GALNT13: variants seen among roughly 807,000 people sequenced by gnomAD.
GALNT13 encodes polypeptide N-acetylgalactosaminyltransferase 13.
GALNT13 carries 28 observed loss-of-function variants against 64.2 expected under a neutral mutation model. The ratio of observed to expected loss-of-function variants is 0.44; its 90% confidence interval spans 0.32 to 0.60. The LOEUF is 0.60. Ranked by LOEUF, GALNT13 falls within the 20% of genes least tolerant of loss-of-function variation. The probability of loss-of-function intolerance (pLI) is 0.05; values close to 1 mark genes in which losing one functional copy is unlikely to be tolerated. For synonymous variants in GALNT13, 214 were observed against 224.6 expected (o/e 0.95, Z 0.42); for missense variants, 577 against 669.8 (o/e 0.86, Z 1.53).
chr2:153,399,324 T>C, the GALNT13 span, among the ~76,000 whole-genome samples: 18 of 152,362 alleles, frequency 1.2e-4, 1 homozygote, highest in South Asian at 1.7e-3. Flanking sequence ...TTGGTTACTG[T>C]AGCCTTGTAG....
chr2:153,922,942 C>T (rs1183214537), intron 2 of GALNT13, among the ~76,000 whole-genome samples: 1 of 151,864 alleles, frequency 6.6e-6, no homozygotes, highest in Non-Finnish European at 1.5e-5. Flanking sequence ...CTCTGTCACC[C>T]AGGCTGGAGT....
the GALNT13 span, among the ~76,000 whole-genome samples, chr2:153,324,249 T>C: frequency 6.6e-6 from 1 of 152,218 alleles, no homozygotes; most frequent in East Asian, 1.9e-4. Context: ...TTATTATCTT[T>C]GTAGCAATTG....
chr2:153,165,289 C>T, the GALNT13 span, among the ~76,000 whole-genome samples: 9 of 152,152 alleles, frequency 5.9e-5, no homozygotes, highest in Admixed American at 5.9e-4. Flanking sequence ...ATTATACATC[C>T]CATCTGACAG....
the GALNT13 span, among the ~76,000 whole-genome samples, chr2:153,684,708 A>G: frequency 6.6e-6 from 1 of 151,306 alleles, no homozygotes. Context: ...ATATAGCTAA[A>G]CTTGTGTCTT....
chr2:153,998,609 T>C (rs1323547930), intron 3 of GALNT13, among the ~76,000 whole-genome samples: 1 of 152,136 alleles, frequency 6.6e-6, no homozygotes, highest in Non-Finnish European at 1.5e-5. Flanking sequence ...GTTCACTCTG[T>C]TGATAGTTTC....
At chr2:154,455,270 A>C (rs73965461), downstream of GALNT13, among the ~76,000 whole-genome samples, 329 of 152,304 alleles carry the variant, frequency 2.2e-3, 2 homozygotes, top group African/African-American at 7.4e-3. Flanking sequence ...TGATGATCGT[A>C]TCTGCTCACA....
the GALNT13 span, among the ~76,000 whole-genome samples, chr2:153,304,946 A>G: frequency 2.6e-5 from 4 of 152,194 alleles, no homozygotes; most frequent in African/African-American, 7.2e-5. Context: ...CTGAGGGTTA[A>G]GGGGTGGGTA....
At chr2:153,728,112 T>C in the GALNT13 span, among the ~76,000 whole-genome samples, 1 of 152,224 alleles carries the variant, frequency 6.6e-6, no homozygotes, top group South Asian at 2.1e-4. Flanking sequence ...CCATGGTGTG[T>C]ATGTGCCACA....
chr2:153,276,839 A>G, the GALNT13 span, among the ~76,000 whole-genome samples: 3 of 152,168 alleles, frequency 2.0e-5, no homozygotes, highest in Non-Finnish European at 2.9e-5. Context: ...TTCTCTAACT[A>G]TATAGCTTGG....
At chr2:154,142,795 A>C (rs916868452) in intron 4 of GALNT13, among the ~76,000 whole-genome samples, 1 of 151,838 alleles carries the variant, frequency 6.6e-6, no homozygotes, top group African/African-American at 2.4e-5. Flanking sequence ...ATTATGTAAA[A>C]ATAATTTTAC....
chr2:153,930,619 C>G (rs2105355221), intron 2 of GALNT13, among the ~76,000 whole-genome samples: 1 of 152,180 alleles, frequency 6.6e-6, no homozygotes, highest in Admixed American at 6.5e-5. Context: ...TGTTGAAGAT[C>G]AGATGGCTGT....
At chr2:154,127,712 G>A (rs546743712) in intron 3 of GALNT13, among the ~76,000 whole-genome samples, 49 of 127,390 alleles carry the variant, frequency 3.8e-4, no homozygotes, top group South Asian at 1.6e-3. Context: ...ACACACACGT[G>A]TGTGTGTGTG....
rs199582451 is a variant in GALNT13 at position 154,215,515 on chromosome 2, AT to A, written c.312-26513del. ...CATTTGTCCACTCATTCTTCTAAGT[AT>A]TCTTATATTTAATTTGCTCTGCCTG... On this transcript the variant is annotated intron_variant, in intron 4 of 12. Coordinates refer to ENST00000392825, the MANE Select transcript of GALNT13 (RefSeq NM_052917.4). Among the ~76,000 whole-genome samples the A allele has an allele frequency of 7.7e-3, 1,169 of 152,206 alleles. 21 individuals carry two copies. Among genetic ancestry groups the A allele is most frequent in the African/African-American group, 0.026 (1,067 of 41,546 alleles).
At chr2:153,268,520 C>T in the GALNT13 span, among the ~76,000 whole-genome samples, 8 of 152,198 alleles carry the variant, frequency 5.3e-5, no homozygotes, top group Non-Finnish European at 7.3e-5. Context: ...GCACATGATG[C>T]AAGCTGTCAG....
At chr2:154,412,802 T>G (rs1699850733) in intron 11 of GALNT13, among the ~76,000 whole-genome samples, 1 of 151,846 alleles carries the variant, frequency 6.6e-6, no homozygotes, top group Admixed American at 6.6e-5. Context: ...ATGACCATTT[T>G]GAAGTGCTCT....
At chr2:153,997,995 A>G (rs150872118) in intron 3 of GALNT13, among the ~76,000 whole-genome samples, 45,590 of 152,060 alleles carry the variant, frequency 0.3, 7,180 homozygotes, top group Non-Finnish European at 0.32. Context: ...ATGTCTGCAT[A>G]GTATTCCATG....
the GALNT13 span, among the ~76,000 whole-genome samples, chr2:153,823,277 A>G: frequency 2.6e-5 from 4 of 152,196 alleles, no homozygotes; most frequent in African/African-American, 7.2e-5. Flanking sequence ...AACATATTCA[A>G]AAATTCATAT....
the GALNT13 span, among the ~76,000 whole-genome samples, chr2:153,722,507 A>G: frequency 2.7e-5 from 4 of 149,306 alleles, no homozygotes; most frequent in African/African-American, 1.0e-4. Context: ...CAAAAAATCA[A>G]TGAATCCAGG....
the GALNT13 span, among the ~76,000 whole-genome samples, chr2:153,498,529 C>T: frequency 6.6e-6 from 1 of 152,226 alleles, no homozygotes; most frequent in Non-Finnish European, 1.5e-5. Flanking sequence ...CGGGCAGCTA[C>T]AGGTGCTGGT....
Sources: allele counts gnomAD v4.1 joint callset (sites outside exome capture counted in the v4.1 genomes callset), GRCh38; gene constraint gnomAD v4.1.1; transcripts MANE v1.5; gene names NCBI Gene and HGNC (gene_info 2026-07-23, HGNC 2026-07-21).